The following AKAP14 variants were observed in gnomAD, a reference collection of about 807,000 sequenced individuals.
The protein encoded by AKAP14 is A-kinase anchor protein 14.
In AKAP14, 4 loss-of-function variants were observed where a neutral mutation model predicts 17.0. The observed-to-expected ratio is 0.23, with a 90% confidence interval of 0.12 to 0.54. AKAP14 has a LOEUF of 0.54. Among genes scored for constraint, AKAP14 ranks in the 20% least tolerant of loss-of-function variants. AKAP14 has a pLI of 0.95. For missense variants in AKAP14, 129 were observed against 150.9 expected (o/e 0.85, Z 0.76); for synonymous variants, 42 against 51.3 (o/e 0.82, Z 0.77).
intron 2 of AKAP14, among the ~76,000 whole-genome samples, chrX:119,900,519 C>T (rs1239292716): frequency 8.9e-6 from 1 of 112,133 alleles, no homozygotes; most frequent in African/African-American, 3.2e-5. Flanking sequence ...AGGCGTGTGC[C>T]ACCGTGCCTG....
intron 5 of AKAP14, 62 bp downstream of exon 5, chrX:119,914,940 A>G: frequency 9.3e-7 from 1 of 1,078,622 alleles, no homozygotes; most frequent in Admixed American, 2.6e-5. Context: ...TCTCTTGTCA[A>G]GGTCATCAAT....
intron 4 of AKAP14, among the ~76,000 whole-genome samples, chrX:119,914,310 T>C (rs951769422): frequency 1.0e-4 from 11 of 110,184 alleles, no homozygotes; most frequent in Non-Finnish European, 2.1e-4. Flanking sequence ...GCCACACTTA[T>C]CCTTTATTTT....
At chrX:119,906,508 C>T (rs2056598751) in intron 4 of AKAP14, among the ~76,000 whole-genome samples, 1 of 106,914 alleles carries the variant, frequency 9.4e-6, no homozygotes, top group Admixed American at 1.0e-4. Flanking sequence ...GCTGGGATTA[C>T]AGGCGTGAGC....
chrX:119,899,431 G>A lies in AKAP14; in HGVS notation c.-11+3164G>A, dbSNP rs2056551942. Among the ~76,000 whole-genome samples the A allele has an allele frequency of 3.6e-5, 4 of 111,323 alleles. No homozygotes were observed. In the South Asian group the frequency reaches 1.5e-3, roughly 42 times the overall value. ...AGTAAGGGAATATTTACAAAGGTGT[G>A]GCCAGATTGCAGGGCAACAGAGGAA... On this transcript the variant is annotated intron_variant, in intron 2 of 6. Coordinates refer to ENST00000371431, the MANE Select transcript of AKAP14 (RefSeq NM_178813.6).
intron 5 of AKAP14, among the ~76,000 whole-genome samples, chrX:119,917,690 G>T (rs751870071): frequency 3.0e-4 from 34 of 111,875 alleles, no homozygotes; most frequent in Non-Finnish European, 6.4e-4. Flanking sequence ...TGAGGCAGGA[G>T]AATGGCTTGA....
At position 119,903,359 on chromosome X, in the gene AKAP14, G is replaced by T. The variant is rs375001330; in HGVS notation, c.136G>T (p.Asp46Tyr). 1.7e-6 allele frequency: 2 copies of T among 1,210,428 alleles called. No individual in the cohort carries two copies. Among genetic ancestry groups the T allele is most frequent in the Admixed American group, 2.2e-5 (1 of 45,668 alleles). The change falls in exon 3 of 7, where the codon GAT becomes TAT. Residue 46 changes from aspartate (D) to tyrosine (Y), a missense_variant. Asp to Tyr is a radical substitution (Grantham distance 160, BLOSUM62 -3). Coordinates refer to ENST00000371431, the MANE Select transcript of AKAP14 (RefSeq NM_178813.6). ...LTQVALALVEDVINYAVKIVE... is the reference protein window; with the variant it reads ...LTQVALALVEYVINYAVKIVE... ...TCAAGTAGCTCTAGCTCTGGTTGAG[G>T]ATGTCATCAATTATGCTGTTAAGAT...
intron 4 of AKAP14, 156 bp downstream of exon 4, chrX:119,903,742 A>C: frequency 1.0e-6 from 1 of 992,471 alleles, no homozygotes; most frequent in Non-Finnish European, 1.4e-6. Flanking sequence ...TCAGTTCCAA[A>C]ATCAAGGTGG....
rs1035311132 is a variant in AKAP14 at position 119,914,665 on chromosome X, T to C, written c.262-34T>C. The C allele has an allele frequency of 6.0e-6, 7 of 1,174,808 alleles. No individual in the cohort carries two copies. In the African/African-American group the frequency reaches 1.1e-4, roughly 18 times the overall value. On this transcript the variant is annotated intron_variant, in intron 4 of 6. Transcript: ENST00000371431. ...AGGACTTGAACAGAAGGCTTTTCTTTTTCTGTGTGCTTTTTCTTTTTTCTA... is the reference window on the plus strand; with the variant it reads ...AGGACTTGAACAGAAGGCTTTTCTTCTTCTGTGTGCTTTTTCTTTTTTCTA...
Position 119,920,132 on chromosome X carries a change from T to G in AKAP14, c.494+169T>G, listed in dbSNP as rs61245655. 8.0e-3 allele frequency among the ~76,000 whole-genome samples: 888 copies of G among 111,590 alleles called. 10 individuals carry two copies. Among genetic ancestry groups the G allele is most frequent in the African/African-American group, 0.025 (763 of 30,802 alleles). ...AACTGTTCTAGAAAATTATTTTTCT[T>G]AGTGTCTGGTTTTTCATTCATTATA... is the stretch of plus-strand genomic sequence containing the variant. On this transcript the variant is annotated intron_variant, in intron 6 of 6. Transcript: ENST00000371431.
intron 4 of AKAP14, among the ~76,000 whole-genome samples, chrX:119,913,147 TAAATAAAATA>T (rs941258293): frequency 1.1e-4 from 12 of 105,303 alleles, no homozygotes; most frequent in East Asian, 5.8e-4. Context: ...AATAAATAAA[TAAATAAAATA>T]AAATAAAATA....
At chrX:119,903,815 C>A (rs1339451286) in intron 4 of AKAP14, among the ~76,000 whole-genome samples, 1 of 112,008 alleles carries the variant, frequency 8.9e-6, no homozygotes, top group Admixed American at 9.5e-5. Context: ...ATCATTCTAA[C>A]CTTACATTTC....
intron 4 of AKAP14, among the ~76,000 whole-genome samples, chrX:119,907,449 A>C (rs905724738): frequency 9.2e-6 from 1 of 108,680 alleles, no homozygotes; most frequent in Non-Finnish European, 1.9e-5. Flanking sequence ...TCTTTTTAAA[A>C]AATATTTATT....
At chrX:119,898,183 AGCTGT>A in intron 2 of AKAP14, among the ~76,000 whole-genome samples, 1 of 110,547 alleles carries the variant, frequency 9.0e-6, no homozygotes, top group South Asian at 3.9e-4. Flanking sequence ...AATAATAGCC[AGCTGT>A]GGTGGTATAG....
chrX:119,897,290 G>GCTGGGA (rs750522378), intron 2 of AKAP14, among the ~76,000 whole-genome samples: 37 of 109,937 alleles, frequency 3.4e-4, no homozygotes, highest in Middle Eastern at 9.3e-3. Flanking sequence ...CCCCCAAGTA[G>GCTGGGA]CTGGGACTAC....
At chrX:119,914,628 G>GC in intron 4 of AKAP14, 71 bp from the exon 5 acceptor site, 1 of 1,048,696 alleles carries the variant, frequency 9.5e-7, no homozygotes, top group Non-Finnish European at 1.3e-6. Context: ...CAGCCATGCT[G>GC]CATTTATCTA....
chrX:119,919,939 G>C lies in AKAP14; in HGVS notation c.470G>C (p.Gly157Ala). The change falls in exon 6 of 7, where the codon GGT becomes GCT. Residue 157 changes from glycine (G) to alanine (A), a missense_variant. Coordinates refer to ENST00000371431, the MANE Select transcript of AKAP14 (RefSeq NM_178813.6). The stretch of plus-strand genomic sequence containing the variant: ...GCACCCATTGTTGTTTCTTATGTAG[G>C]TGACCACCAAGCATTAGTTCACAGG... ...PDAPIVVSYV[G>A]DHQALVHRPG... 8.3e-7 allele frequency: 1 copy of C among 1,210,447 alleles called. No homozygotes were observed. The highest frequency in any genetic ancestry group is 1.1e-6 in the Non-Finnish European group (1 of 894,696).
At chrX:119,920,024 A>G in intron 6 of AKAP14, 61 bp downstream of exon 6, 1 of 1,101,636 alleles carries the variant, frequency 9.1e-7, no homozygotes, top group African/African-American at 1.8e-5. Flanking sequence ...CACTCCAGGA[A>G]TCCAGCAGTT....
At chrX:119,909,210 G>A (rs1398742696) in intron 4 of AKAP14, among the ~76,000 whole-genome samples, 1 of 111,609 alleles carries the variant, frequency 9.0e-6, no homozygotes, top group Non-Finnish European at 1.9e-5. Flanking sequence ...GCTCTGGCTG[G>A]GTGCGGTGGC....
intron 2 of AKAP14, among the ~76,000 whole-genome samples, chrX:119,897,255 A>G (rs914409268): frequency 4.3e-4 from 44 of 103,496 alleles, no homozygotes; most frequent in Non-Finnish European, 8.0e-4. Context: ...TGCCTCCCGG[A>G]TTCATGCCAT....
Sources: gnomAD v4.1 joint callset for allele counts (sites outside exome capture counted in the v4.1 genomes callset) on GRCh38, gnomAD v4.1.1 for gene constraint, MANE v1.5 for transcripts, NCBI Gene and HGNC (gene_info 2026-07-23, HGNC 2026-07-21) for gene names.